The following CD6 variants were observed in gnomAD, a reference collection of about 807,000 sequenced individuals.
The protein encoded by CD6 is T-cell differentiation antigen CD6.
CD6 carries 53 observed loss-of-function variants against 75.3 expected under a neutral mutation model. The ratio of observed to expected loss-of-function variants is 0.70; its 90% confidence interval spans 0.56 to 0.88. CD6 has a LOEUF of 0.88. Ranked by LOEUF, CD6 falls within the 40% of genes least tolerant of loss-of-function variation. The probability of loss-of-function intolerance (pLI) is 0.00; values close to 1 mark genes in which losing one functional copy is unlikely to be tolerated. For missense variants in CD6, 770 were observed against 897.1 expected (o/e 0.86, Z 1.81); for synonymous variants, 359 against 381.5 (o/e 0.94, Z 0.69).
intron 1 of CD6, among the ~76,000 whole-genome samples, chr11:60,974,221 T>C (rs1044219127): frequency 3.9e-5 from 6 of 152,232 alleles, no homozygotes; most frequent in Non-Finnish European, 8.8e-5. Flanking sequence ...TGGGGCTGCC[T>C]GGCTCTGCCC....
intron 1 of CD6, among the ~76,000 whole-genome samples, chr11:60,994,168 C>T (rs1020071723): frequency 1.4e-4 from 22 of 151,998 alleles, no homozygotes; most frequent in Admixed American, 9.2e-4. Flanking sequence ...TGGCCGGGCG[C>T]GGTGGCTCAT....
At chr11:61,014,098 C>T in intron 8 of CD6, 84 bp downstream of exon 8, 2 of 949,388 alleles carry the variant, frequency 2.1e-6, no homozygotes, top group Non-Finnish European at 3.2e-6. Flanking sequence ...CCACTTAGGT[C>T]CAAGACGTAC....
chr11:61,014,123 G>A, intron 8 of CD6, 109 bp downstream of exon 8: 1 of 777,356 alleles, frequency 1.3e-6, no homozygotes, highest in Admixed American at 2.9e-5. Flanking sequence ...AGCTGGAGAT[G>A]AGATCTGGGC....
At chr11:60,972,290 T>A (rs925017996) in intron 1 of CD6, among the ~76,000 whole-genome samples, 2 of 152,154 alleles carry the variant, frequency 1.3e-5, no homozygotes, top group Non-Finnish European at 2.9e-5. Flanking sequence ...GGACCACTGA[T>A]GGTGGTACTT....
chr11:60,998,920 AG>A (rs1410871115), intron 1 of CD6, among the ~76,000 whole-genome samples: 1 of 151,480 alleles, frequency 6.6e-6, no homozygotes, highest in Non-Finnish European at 1.5e-5. Flanking sequence ...GCATTTTGGG[AG>A]GCCAAGGCAG....
chr11:60,976,362 T>C (rs1280652254), intron 1 of CD6, among the ~76,000 whole-genome samples: 1 of 152,234 alleles, frequency 6.6e-6, no homozygotes, highest in Admixed American at 6.5e-5. Flanking sequence ...TCTTAAATTT[T>C]CTACTTCAAA....
At position 61,017,970 on chromosome 11, in the gene CD6, G is replaced by T. The variant is rs1859496521; in HGVS notation, c.1794G>T (p.Gln598His). The change falls in exon 11 of 13, where the codon CAG (glutamine) becomes CAT (histidine). Residue 598 changes from glutamine to histidine, a missense_variant. Gln to His is a conservative substitution (Grantham distance 24). Coordinates refer to ENST00000313421, the MANE Select transcript of CD6 (RefSeq NM_006725.5). ...CAGAGAGGAGTTCCTTCCTGGAGCAGCCCCCAAACTTGGAGCTGGCCGGCA... is the reference window on the plus strand; with the variant it reads ...CAGAGAGGAGTTCCTTCCTGGAGCATCCCCCAAACTTGGAGCTGGCCGGCA... The part of the protein sequence containing the change: ...FSSERSSFLE[Q>H]PPNLELAGTQ... The T allele has an allele frequency of 6.2e-7, 1 of 1,613,086 alleles. No individual in the cohort carries two copies. Among genetic ancestry groups the T allele is most frequent in the Non-Finnish European group, 8.5e-7 (1 of 1,180,004 alleles).
chr11:61,005,919 G>A (rs1234338415), intron 1 of CD6, among the ~76,000 whole-genome samples: 4 of 140,292 alleles, frequency 2.9e-5, no homozygotes, highest in East Asian at 2.0e-4. Context: ...CAACAAGAGC[G>A]AAACTCTGTC....
intron 5 of CD6, among the ~76,000 whole-genome samples, chr11:61,010,809 C>T (rs942172853): frequency 2.6e-5 from 4 of 152,088 alleles, no homozygotes; most frequent in African/African-American, 9.7e-5. Flanking sequence ...TCTGTAGCAG[C>T]TTACACAGAA....
At chr11:60,992,822 C>T (rs575904353) in intron 1 of CD6, among the ~76,000 whole-genome samples, 7 of 150,958 alleles carry the variant, frequency 4.6e-5, no homozygotes, top group Non-Finnish European at 5.9e-5. Context: ...TGTGAGACTC[C>T]GTCTCCAAAA....
chr11:60,990,101 A>G (rs1376372870), intron 1 of CD6, among the ~76,000 whole-genome samples: 1 of 152,242 alleles, frequency 6.6e-6, no homozygotes, highest in Admixed American at 6.5e-5. Context: ...AAAAATTTAA[A>G]AATTTATCAA....
At chr11:61,001,809 G>T (rs1345427444) in intron 1 of CD6, among the ~76,000 whole-genome samples, 1 of 152,150 alleles carries the variant, frequency 6.6e-6, no homozygotes, top group Admixed American at 6.5e-5. Context: ...AGGGCCTTTG[G>T]TTCAACAAAT....
intron 5 of CD6, among the ~76,000 whole-genome samples, chr11:61,010,169 G>A (rs1859077998): frequency 6.6e-6 from 1 of 152,158 alleles, no homozygotes; most frequent in South Asian, 2.1e-4. Flanking sequence ...TGCCATCCCA[G>A]GCCTGGTGAT....
intron 1 of CD6, among the ~76,000 whole-genome samples, chr11:60,999,149 T>C (rs944909307): frequency 1.3e-5 from 2 of 151,666 alleles, no homozygotes; most frequent in African/African-American, 2.4e-5. Context: ...CAGAGCAAGA[T>C]AGAAAGGAAA....
intron 1 of CD6, among the ~76,000 whole-genome samples, chr11:60,999,444 CGGGCTCTCTGT>C (rs1394431860): frequency 1.3e-5 from 2 of 150,592 alleles, no homozygotes; most frequent in Non-Finnish European, 3.0e-5. Flanking sequence ...AGATTGTACT[CGGGCTCTCTGT>C]GGGTCCTGGA....
chr11:60,995,425 G>A (rs1858251518), intron 1 of CD6, among the ~76,000 whole-genome samples: 1 of 152,146 alleles, frequency 6.6e-6, no homozygotes, highest in South Asian at 2.1e-4. Flanking sequence ...GATTACAGAT[G>A]TGAGCCACCA....
intron 12 of CD6, chr11:61,018,983 CTG>C (rs1468726629): frequency 4.9e-6 from 2 of 409,470 alleles, no homozygotes; most frequent in African/African-American, 2.0e-5. Flanking sequence ...TTGGGGGAGA[CTG>C]TGGTAGCAGA....
chr11:61,015,343 G>A (rs1308745260), intron 8 of CD6: 2 of 177,716 alleles, frequency 1.1e-5, no homozygotes, highest in East Asian at 1.6e-4. Context: ...GGCCGAGGGG[G>A]ATGGATCGCT....
intron 1 of CD6, among the ~76,000 whole-genome samples, chr11:60,978,000 G>A (rs571167954): frequency 6.6e-6 from 1 of 152,198 alleles, no homozygotes; most frequent in Non-Finnish European, 1.5e-5. Flanking sequence ...AGGGAGGGCT[G>A]TAGATGTCAG....
Sources: allele counts gnomAD v4.1 joint callset (sites outside exome capture counted in the v4.1 genomes callset), GRCh38; gene constraint gnomAD v4.1.1; transcripts MANE v1.5; gene names NCBI Gene and HGNC (gene_info 2026-07-23, HGNC 2026-07-21).